The following CHRM2 variants were observed in gnomAD, a reference collection of about 807,000 sequenced individuals.
The protein encoded by CHRM2 is muscarinic acetylcholine receptor M2.
Under a neutral mutation model 25.0 loss-of-function variants are expected in CHRM2, and 8 were observed. The observed-to-expected ratio is 0.32, with a 90% CI of 0.19 to 0.58. CHRM2 has a LOEUF of 0.58. Ranked by LOEUF, CHRM2 falls within the 20% of genes least tolerant of loss-of-function variation. CHRM2 has a pLI of 0.88. For synonymous variants in CHRM2, 202 were observed against 205.7 expected, an observed-to-expected ratio of 0.98 and a Z score of 0.15; for missense variants, 440 against 567.1, an observed-to-expected ratio of 0.78 and a Z score of 2.28.
intron 3 of CHRM2, among the ~76,000 whole-genome samples, chr7:136,998,193 G>A (rs1230001877): frequency 6.6e-6 from 1 of 152,172 alleles, no homozygotes; most frequent in Non-Finnish European, 1.5e-5. Flanking sequence ...AGAGTGAAAT[G>A]AAGATACAGA....
chr7:136,951,416 G>T (rs1289910785), intron 2 of CHRM2, among the ~76,000 whole-genome samples: 1 of 152,158 alleles, frequency 6.6e-6, no homozygotes, highest in African/African-American at 2.4e-5. Context: ...ACTTGGCGAA[G>T]AAAATAATAA....
At chr7:136,952,213 G>A (rs1004397055) in intron 2 of CHRM2, among the ~76,000 whole-genome samples, 12 of 152,100 alleles carry the variant, frequency 7.9e-5, no homozygotes, top group African/African-American at 1.7e-4. Context: ...ATAATTATGC[G>A]TTTCTAATAT....
At chr7:137,001,507 A>G (rs1804032061) in intron 3 of CHRM2, among the ~76,000 whole-genome samples, 1 of 152,112 alleles carries the variant, frequency 6.6e-6, no homozygotes, top group Non-Finnish European at 1.5e-5. Flanking sequence ...AATGAGAATG[A>G]TTCTGTCCTT....
At chr7:136,895,139 G>T (rs1388012577) in intron 2 of CHRM2, among the ~76,000 whole-genome samples, 7 of 152,058 alleles carry the variant, frequency 4.6e-5, no homozygotes, top group Non-Finnish European at 1.0e-4. Context: ...TATTTTTAAT[G>T]CTTTATAGTT....
At chr7:136,950,376 C>A (rs571125314) in intron 2 of CHRM2, among the ~76,000 whole-genome samples, 1 of 152,064 alleles carries the variant, frequency 6.6e-6, no homozygotes, top group African/African-American at 2.4e-5. Flanking sequence ...CCTGTCCCTG[C>A]GGGATGGGGG....
Position 136,897,256 on chromosome 7 carries a change from G to A in CHRM2, c.-125+27838G>A, listed in dbSNP as rs74456829. ...TTTATTGTGAACATTTGTGTTTGAGGAAGCCAATGCATATCTAAGAGGAGA... is the reference window on the plus strand; with the variant it reads ...TTTATTGTGAACATTTGTGTTTGAGAAAGCCAATGCATATCTAAGAGGAGA... On this transcript the variant is annotated intron_variant, in intron 2 of 3. Transcript: ENST00000680005. 3.5e-4 allele frequency among the ~76,000 whole-genome samples: 53 copies of A among 152,140 alleles called. No homozygotes were observed. In the East Asian group the frequency reaches 7.1e-3, roughly 21 times the overall value.
intron 2 of CHRM2, among the ~76,000 whole-genome samples, chr7:136,885,687 G>C (rs890313724): frequency 2.6e-5 from 4 of 152,160 alleles, no homozygotes; most frequent in Admixed American, 2.0e-4. Context: ...TTTACAGTCT[G>C]TCCTGAGAGA....
At chr7:136,974,257 A>T (rs1801972107) in intron 2 of CHRM2, among the ~76,000 whole-genome samples, 1 of 152,152 alleles carries the variant, frequency 6.6e-6, no homozygotes, top group Admixed American at 6.6e-5. Flanking sequence ...AGAACATCTG[A>T]TATTCATTTA....
intron 2 of CHRM2, among the ~76,000 whole-genome samples, chr7:136,887,955 T>C (rs1796533932): frequency 6.6e-6 from 1 of 152,020 alleles, no homozygotes; most frequent in African/African-American, 2.4e-5. Context: ...AGCTCGGGAA[T>C]CTTTGGGAAG....
At chr7:136,918,152 C>T (rs1047173263) in intron 2 of CHRM2, among the ~76,000 whole-genome samples, 1 of 152,066 alleles carries the variant, frequency 6.6e-6, no homozygotes, top group Non-Finnish European at 1.5e-5. Context: ...GATCATAAAG[C>T]ACTGAAACTC....
chr7:136,936,842 T>C (rs1244198943), intron 2 of CHRM2, among the ~76,000 whole-genome samples: 1 of 152,198 alleles, frequency 6.6e-6, no homozygotes, highest in Non-Finnish European at 1.5e-5. Context: ...TGTTTCTACT[T>C]GCTTTCTTCA....
intron 2 of CHRM2, among the ~76,000 whole-genome samples, chr7:136,891,007 G>A (rs1003203663): frequency 6.6e-6 from 1 of 152,076 alleles, no homozygotes; most frequent in Non-Finnish European, 1.5e-5. Context: ...GCTAAGTTCA[G>A]AAACTTTGCA....
Position 137,020,121 on chromosome 7 carries a change from T to A in CHRM2, c.*3855T>A, listed in dbSNP as rs2131146793. 1 of 151,854 alleles carries A rather than the reference T, an allele frequency of 6.6e-6. No individual in the cohort carries two copies. Among genetic ancestry groups the A allele is most frequent in the African/African-American group, 2.4e-5 (1 of 41,494 alleles). The allele number at this position is 151,854 out of a possible 1,614,324, so 9.4% of individuals were successfully genotyped here. On this transcript the variant is annotated 3_prime_UTR_variant, in exon 4 of 4. Transcript: ENST00000680005. ...AGGGTGCACGCTGTAGCATGAAATG[T>A]GTGCATATTTAATGTATCTTCCTGG...
At chr7:136,947,113 C>T (rs1274077231) in intron 2 of CHRM2, among the ~76,000 whole-genome samples, 1 of 152,152 alleles carries the variant, frequency 6.6e-6, no homozygotes, top group Non-Finnish European at 1.5e-5. Context: ...CAAAGCTTCA[C>T]CATCTCAGCA....
rs1211822069 is a variant in CHRM2 at position 137,018,695 on chromosome 7, C to G, written c.*2429C>G. ...CATTGTATCCTTCCTTTTCCTCCCT[C>G]TGTTATTGATCCTTGCCACAGCCAC... On this transcript the variant is annotated 3_prime_UTR_variant, in exon 4 of 4. Coordinates refer to ENST00000680005, the MANE Select transcript of CHRM2 (RefSeq NM_001006630.2). The G allele has an allele frequency of 2.0e-5, 3 of 151,860 alleles. No homozygotes were observed. Among genetic ancestry groups the G allele is most frequent in the Non-Finnish European group, 4.4e-5 (3 of 67,910 alleles). The allele number at this position is 151,860 out of a possible 1,614,324, so 9.4% of individuals were successfully genotyped here.
chr7:137,006,207 A>G (rs1389853841), intron 3 of CHRM2, among the ~76,000 whole-genome samples: 1 of 152,096 alleles, frequency 6.6e-6, no homozygotes, highest in Non-Finnish European at 1.5e-5. Context: ...TTAAAAGTCT[A>G]AGGGTTGGGT....
intron 2 of CHRM2, among the ~76,000 whole-genome samples, chr7:136,905,612 T>C (rs545171391): frequency 6.6e-6 from 1 of 151,918 alleles, no homozygotes; most frequent in South Asian, 2.1e-4. Flanking sequence ...GTCATCATTT[T>C]AAACTATCTG....
At chr7:136,982,949 G>C (rs535189208) in intron 2 of CHRM2, among the ~76,000 whole-genome samples, 5 of 152,134 alleles carry the variant, frequency 3.3e-5, no homozygotes, top group African/African-American at 1.2e-4. Flanking sequence ...GAGTATCTTT[G>C]TGGTATTCTC....
intron 2 of CHRM2, among the ~76,000 whole-genome samples, chr7:136,897,468 T>A (rs1405454443): frequency 1.3e-5 from 2 of 152,104 alleles, no homozygotes; most frequent in Non-Finnish European, 2.9e-5. Context: ...TTTTGGAAGG[T>A]AAAAGTCCCT....
Sources: gnomAD v4.1 joint callset for allele counts (sites outside exome capture counted in the v4.1 genomes callset) on GRCh38, gnomAD v4.1.1 for gene constraint, MANE v1.5 for transcripts, NCBI Gene and HGNC (gene_info 2026-07-23, HGNC 2026-07-21) for gene names.